Variants in ZNF280D observed in about 807,000 individuals in gnomAD.
ZNF280D encodes suppressor of hairy wing homolog 4.
In ZNF280D, 39 loss-of-function variants were observed where a neutral mutation model predicts 94.7. That is an observed-to-expected ratio of 0.41 (90% CI 0.32 to 0.54). The LOEUF (loss-of-function observed/expected upper bound fraction) is 0.54. ZNF280D is among the 20% of genes least tolerant of loss of function. The pLI, the probability that ZNF280D is intolerant of heterozygous loss-of-function variation, is 0.22. For synonymous variants in ZNF280D, 398 were observed against 377.6 expected (o/e 1.05, Z -0.63); for missense variants, 1,090 against 1,149.3 (o/e 0.95, Z 0.75).
At chr15:56,665,185 C>A (rs2140838818) in intron 16 of ZNF280D, among the ~76,000 whole-genome samples, 1 of 152,098 alleles carries the variant, frequency 6.6e-6, no homozygotes, top group East Asian at 1.9e-4. Flanking sequence ...TAGAAGAATC[C>A]TTGAAAGCAG....
chr15:56,669,328 T>A (rs1596423944), intron 13 of ZNF280D, among the ~76,000 whole-genome samples: 1 of 152,028 alleles, frequency 6.6e-6, no homozygotes, highest in East Asian at 1.9e-4. Flanking sequence ...TTTTTGCTAT[T>A]TCTAGTTGGT....
Position 56,701,033 on chromosome 15 carries a change from G to C in ZNF280D, c.281C>G (p.Thr94Arg). The C allele has an allele frequency of 6.2e-7, 1 of 1,613,824 alleles. No individual in the cohort carries two copies. The highest frequency in any genetic ancestry group is 8.5e-7 in the Non-Finnish European group (1 of 1,179,764). Residue 94 changes from threonine (T) to arginine (R), a missense_variant, in exon 6 of 22, where the codon ACG (threonine) becomes AGG (arginine). Physicochemically the swap from Thr to Arg is moderately conservative, Grantham distance 71 (BLOSUM62 -1). Around this residue, in one of 3 missense-constraint regions of ZNF280D, gnomAD observed 386 missense variants for 372.0 expected, o/e 1.04. Transcript: ENST00000267807. The part of the protein sequence containing the change: ...AAFKPTSQHY[T>R]NPTSNPVPAS... ...AGGCACTGGATTTGATGTTGGATTC[G>C]TGTAGTGTTGACTTGTAGGCTTGAA...
At chr15:56,733,028 AAG>A (rs1488027135) in intron 1 of ZNF280D, 1 of 152,390 alleles carries the variant, frequency 6.6e-6, no homozygotes, top group Admixed American at 6.5e-5. Context: ...CCTACGACTG[AAG>A]AGACACGGGG....
intron 9 of ZNF280D, among the ~76,000 whole-genome samples, chr15:56,683,850 T>C (rs1179124773): frequency 6.6e-6 from 1 of 152,160 alleles, no homozygotes; most frequent in African/African-American, 2.4e-5. Context: ...ACAGACTCCA[T>C]AATATACGAA....
rs1038365138 is a variant in ZNF280D at position 56,705,814 on chromosome 15, C to T, written c.28+1268G>A. ...ATATGTCTAACGTCATATAGGAATA[C>T]ATTTCCCCCTATACATTAGAGGGGC... On this transcript the variant is annotated intron_variant, in intron 3 of 21. Transcript: ENST00000267807. Among the ~76,000 whole-genome samples the T allele has an allele frequency of 2.6e-5, 4 of 152,032 alleles. No individual in the cohort carries two copies. The South Asian group carries it at 8.3e-4, about 32-fold the overall frequency.
At chr15:56,681,420 A>G (rs889847579) in intron 10 of ZNF280D, among the ~76,000 whole-genome samples, 2 of 152,212 alleles carry the variant, frequency 1.3e-5, no homozygotes. Context: ...GAGATACATA[A>G]TAAAGCAAGT....
chr15:56,719,882 T>TTGC (rs1405369836), intron 1 of ZNF280D, among the ~76,000 whole-genome samples: 2 of 137,682 alleles, frequency 1.5e-5, no homozygotes, highest in Non-Finnish European at 3.1e-5. Context: ...AACTACTTTA[T>TTGC]TGCTAAAAAA....
chr15:56,701,616 T>C (rs1479970346), intron 4 of ZNF280D, among the ~76,000 whole-genome samples: 4 of 152,132 alleles, frequency 2.6e-5, no homozygotes, highest in African/African-American at 9.7e-5. Flanking sequence ...ATGTATATCT[T>C]TCTTTGCATG....
intron 20 of ZNF280D, among the ~76,000 whole-genome samples, chr15:56,637,930 G>T (rs1178384330): frequency 6.6e-6 from 1 of 151,974 alleles, no homozygotes; most frequent in Non-Finnish European, 1.5e-5. Context: ...GTATGCATAA[G>T]TCACAACCAT....
intron 1 of ZNF280D, among the ~76,000 whole-genome samples, chr15:56,731,172 T>C (rs1417910101): frequency 6.6e-6 from 1 of 152,144 alleles, no homozygotes; most frequent in Non-Finnish European, 1.5e-5. Context: ...ACATGGAATA[T>C]GGGTTATTCT....
At chr15:56,698,418 C>T (rs1467187800) in intron 6 of ZNF280D, 1 of 152,108 alleles carries the variant, frequency 6.6e-6, no homozygotes, top group Non-Finnish European at 1.5e-5. Context: ...CTTAAAAGTT[C>T]AAATTTTACC....
rs567797644 is a variant in ZNF280D at position 56,713,280 on chromosome 15, G to T, written c.-85-5974C>A. Among the ~76,000 whole-genome samples the T allele has an allele frequency of 3.3e-5, 5 of 152,164 alleles. No individual in the cohort carries two copies. The East Asian group carries it at 9.6e-4, about 29-fold the overall frequency. On this transcript the variant is annotated intron_variant, in intron 1 of 21. Coordinates refer to ENST00000267807, the MANE Select transcript of ZNF280D (RefSeq NM_017661.4). Reference sequence around the variant, plus strand: ...AAAATTTATACTCAAAATAAGTATTGCACATAAAAATGAAGTTCAACTAAC... The same window carrying T: ...AAAATTTATACTCAAAATAAGTATTTCACATAAAAATGAAGTTCAACTAAC...
intron 4 of ZNF280D, 95 bp downstream of exon 4, chr15:56,704,026 A>T: frequency 7.4e-7 from 1 of 1,348,046 alleles, no homozygotes. Context: ...TTTACAGTGG[A>T]ACATGAACAT....
intron 13 of ZNF280D, among the ~76,000 whole-genome samples, chr15:56,675,548 G>C (rs566455914): frequency 2.0e-5 from 3 of 151,770 alleles, no homozygotes; most frequent in Non-Finnish European, 4.4e-5. Flanking sequence ...GGAGACTTGA[G>C]AGATTTACAG....
intron 13 of ZNF280D, among the ~76,000 whole-genome samples, chr15:56,669,974 A>AT (rs1230973169): frequency 0.22 from 170 of 772 alleles, 43 homozygotes; most frequent in Non-Finnish European, 0.37. Flanking sequence ...ATATATATAT[A>AT]ATATATATAT....
At chr15:56,720,093 G>A (rs1264631225) in intron 1 of ZNF280D, among the ~76,000 whole-genome samples, 1 of 152,022 alleles carries the variant, frequency 6.6e-6, no homozygotes, top group Non-Finnish European at 1.5e-5. Flanking sequence ...TTTACAAAAG[G>A]TTTCTTGGTA....
intron 20 of ZNF280D, among the ~76,000 whole-genome samples, chr15:56,636,963 C>T (rs543718869): frequency 1.7e-4 from 26 of 152,056 alleles, no homozygotes; most frequent in Non-Finnish European, 5.9e-5. Context: ...GACTTATGAA[C>T]ACCAGGAAAA....
intron 12 of ZNF280D, among the ~76,000 whole-genome samples, chr15:56,677,363 A>G (rs1410458176): frequency 2.6e-5 from 4 of 152,182 alleles, no homozygotes; most frequent in Non-Finnish European, 4.4e-5. Flanking sequence ...TTGTTTTTCT[A>G]CATACAACAG....
chr15:56,691,454 C>G (rs2056417547), intron 7 of ZNF280D, among the ~76,000 whole-genome samples: 1 of 152,162 alleles, frequency 6.6e-6, no homozygotes, highest in South Asian at 2.1e-4. Context: ...GGAGGCTGGA[C>G]AGTAGAAACA....
Sources: allele counts gnomAD v4.1 joint callset (sites outside exome capture counted in the v4.1 genomes callset), GRCh38; gene constraint gnomAD v4.1.1; regional missense constraint gnomAD v4.1.1; transcripts MANE v1.5; gene names NCBI Gene and HGNC (gene_info 2026-07-23, HGNC 2026-07-21).